CELF2: variants seen among roughly 807,000 people sequenced by gnomAD.
CELF2 encodes the protein CUG triplet repeat RNA-binding protein 2.
CELF2 carries 8 observed loss-of-function variants against 62.6 expected under a neutral mutation model. The observed-to-expected ratio is 0.13, with a 90% CI of 0.07 to 0.23. The LOEUF is 0.23. Ranked by LOEUF, CELF2 falls within the 10% of genes least tolerant of loss-of-function variation. The pLI is 1.00. For synonymous variants in CELF2, 258 were observed against 250.0 expected (o/e 1.03, Z -0.30); for missense variants, 333 against 671.0 (o/e 0.50, Z 5.56).
At chr10:10,780,114 T>C in the CELF2 span, among the ~76,000 whole-genome samples, 209 of 152,368 alleles carry the variant, frequency 1.4e-3, no homozygotes, top group African/African-American at 4.9e-3. Context: ...TATTTTGTTT[T>C]TCCTAAGAGG....
intron 1 of CELF2, among the ~76,000 whole-genome samples, chr10:10,905,702 C>G (rs2063282068): frequency 6.6e-6 from 1 of 151,908 alleles, no homozygotes; most frequent in South Asian, 2.1e-4. Context: ...ACGGTGGAAC[C>G]CTGTCTCTAC....
At chr10:11,299,588 G>C (rs1195809189) in intron 9 of CELF2, among the ~76,000 whole-genome samples, 1 of 152,150 alleles carries the variant, frequency 6.6e-6, no homozygotes, top group Non-Finnish European at 1.5e-5. Context: ...ATCATTAAAT[G>C]CTACAGCTGC....
chr10:11,124,641 C>T (rs932407924), intron 1 of CELF2, among the ~76,000 whole-genome samples: 8 of 152,258 alleles, frequency 5.3e-5, no homozygotes, highest in Non-Finnish European at 1.0e-4. Flanking sequence ...GCATCTGTCC[C>T]ACATGCATCT....
chr10:11,303,553 C>T (rs1395101769), intron 9 of CELF2, among the ~76,000 whole-genome samples: 1 of 152,224 alleles, frequency 6.6e-6, no homozygotes, highest in African/African-American at 2.4e-5. Context: ...GTGCATCAGA[C>T]ATCAGTGCCG....
intron 2 of CELF2, among the ~76,000 whole-genome samples, chr10:11,170,565 A>G (rs1341946394): frequency 6.6e-6 from 1 of 152,086 alleles, no homozygotes; most frequent in Non-Finnish European, 1.5e-5. Context: ...GAGATGTTCA[A>G]GAAGGCATCG....
chr10:10,803,075 C>T (rs2054833477), intron 1 of CELF2, among the ~76,000 whole-genome samples: 2 of 152,182 alleles, frequency 1.3e-5, no homozygotes, highest in African/African-American at 4.8e-5. Context: ...GACTCCTAAG[C>T]ACCTAGTGAC....
At chr10:10,807,643 T>G (rs1249319970) in intron 1 of CELF2, among the ~76,000 whole-genome samples, 1 of 152,220 alleles carries the variant, frequency 6.6e-6, no homozygotes, top group Non-Finnish European at 1.5e-5. Flanking sequence ...GTAGATTTTT[T>G]GGATGACAGA....
rs556641049 is a variant in CELF2 at position 11,044,859 on chromosome 10, G to A, written c.74+26696G>A. ...AAAACATGATACCACAATACCAAAA[G>A]GGATATTGACAAAATATGTCCACGT... On this transcript the variant is annotated intron_variant, in intron 1 of 12. Transcript: ENST00000633077. Among the ~76,000 whole-genome samples the A allele has an allele frequency of 2.5e-3, 387 of 152,224 alleles. 2 individuals carry two copies. Among genetic ancestry groups the A allele is most frequent in the Non-Finnish European group, 4.4e-3 (297 of 68,028 alleles).
chr10:11,179,088 C>T (rs759510051), intron 2 of CELF2, among the ~76,000 whole-genome samples: 15 of 152,208 alleles, frequency 9.9e-5, no homozygotes, highest in Non-Finnish European at 1.9e-4. Context: ...AATTGCTGAT[C>T]AAGTCTTGAA....
chr10:10,761,905 C>CGTGT, the CELF2 span, among the ~76,000 whole-genome samples: 7,304 of 128,870 alleles, frequency 0.057, 235 homozygotes, highest in Admixed American at 0.099. Context: ...TATAATAAAC[C>CGTGT]GTGTGTGTGT....
the CELF2 span, among the ~76,000 whole-genome samples, chr10:10,522,814 C>T: frequency 6.6e-6 from 1 of 152,192 alleles, no homozygotes; most frequent in Admixed American, 6.5e-5. Context: ...AAGTGATCCA[C>T]CTGCCTCGGC....
intron 2 of CELF2, among the ~76,000 whole-genome samples, chr10:11,209,988 C>G (rs917259005): frequency 6.6e-6 from 1 of 152,074 alleles, no homozygotes; most frequent in African/African-American, 2.4e-5. Context: ...AATGCACATA[C>G]AAAAGAGAGC....
In CELF2 at chr10:11,321,200, C is replaced by A. The variant is rs768158151; in HGVS notation, c.1108C>A (p.Leu370Ile). 4 of 1,614,022 alleles carry A rather than the reference C, an allele frequency of 2.5e-6. No homozygotes were observed. Among genetic ancestry groups the A allele is most frequent in the Non-Finnish European group, 3.4e-6 (4 of 1,180,028 alleles). The change falls in exon 11 of 13, where the codon CTC becomes ATC. Residue 370 changes from leucine to isoleucine, a missense_variant. Around this residue, in one of 3 missense-constraint regions of CELF2, gnomAD observed 253 missense variants for 503.0 expected, o/e 0.50. Coordinates refer to ENST00000633077, the MANE Select transcript of CELF2 (RefSeq NM_001326342.2). The surrounding 1 kb of genome is among the most constrained non-coding windows in gnomAD (Gnocchi z 6.2). ...GGTTTTTTGTAAAGTTGCTCAAATGCTCTCAGGTATGGCGGCTCTGAATGG... is the reference window on the plus strand; with the variant it reads ...GGTTTTTTGTAAAGTTGCTCAAATGATCTCAGGTATGGCGGCTCTGAATGG... ...NINALAVAQM[L>I]SGMAALNGGL...
the CELF2 span, among the ~76,000 whole-genome samples, chr10:10,602,396 G>T: frequency 1.3e-5 from 2 of 152,090 alleles, no homozygotes; most frequent in Non-Finnish European, 2.9e-5. Context: ...CTCATGTGTA[G>T]TCCCCCAAAC....
rs1564981317 is a variant in CELF2 at position 11,156,633 on chromosome 10, G to A, written c.75-8853G>A. On this transcript the variant is annotated intron_variant, in intron 1 of 12. Coordinates refer to ENST00000633077, the MANE Select transcript of CELF2 (RefSeq NM_001326342.2). This position sits in a 1 kb window ranked among gnomAD's most constrained non-coding sequence, Gnocchi z 4.3. The stretch of plus-strand genomic sequence containing the variant: ...TATCCCCAGCTCCTTGAATTTGTCA[G>A]ACTCGCGTCATAAATATGATTAAGT... Among the ~76,000 whole-genome samples, 1 of 152,306 alleles carries A rather than the reference G, an allele frequency of 6.6e-6. No individual in the cohort carries two copies. Among genetic ancestry groups the A allele is most frequent in the East Asian group, 1.9e-4 (1 of 5,184 alleles).
chr10:10,857,232 T>C (rs909919830), intron 1 of CELF2, among the ~76,000 whole-genome samples: 3 of 152,260 alleles, frequency 2.0e-5, no homozygotes, highest in East Asian at 3.9e-4. Context: ...TCTTCACAGG[T>C]GTGGGAAAAG....
At chr10:10,658,912 G>T in the CELF2 span, among the ~76,000 whole-genome samples, 1 of 152,082 alleles carries the variant, frequency 6.6e-6, no homozygotes, top group South Asian at 2.1e-4. Context: ...GAAACTACAA[G>T]TGCAATGAAA....
At chr10:10,771,563 A>C in the CELF2 span, among the ~76,000 whole-genome samples, 6 of 152,206 alleles carry the variant, frequency 3.9e-5, no homozygotes, top group Non-Finnish European at 8.8e-5. Flanking sequence ...GGTGAGAGAT[A>C]ATTGAATCAC....
the CELF2 span, among the ~76,000 whole-genome samples, chr10:10,500,664 C>T: frequency 1.3e-5 from 2 of 152,134 alleles, no homozygotes; most frequent in Non-Finnish European, 2.9e-5. Context: ...TTCTCAGCAG[C>T]ATGAAAATGG....
Sources: gnomAD v4.1 joint callset for allele counts (sites outside exome capture counted in the v4.1 genomes callset) on GRCh38, gnomAD v4.1.1 for gene constraint, gnomAD v4.1.1 regional missense constraint, Gnocchi (gnomAD v3.1) non-coding constraint, MANE v1.5 for transcripts, NCBI Gene and HGNC (gene_info 2026-07-23, HGNC 2026-07-21) for gene names.